The following PTPRN2 variants were observed in gnomAD, a reference collection of about 807,000 sequenced individuals.
The protein encoded by PTPRN2 is receptor-type tyrosine-protein phosphatase N2.
In PTPRN2, 74 loss-of-function variants were observed where a neutral mutation model predicts 118.8. That is an observed-to-expected ratio of 0.62 (90% confidence interval 0.52 to 0.76). The LOEUF is 0.76. PTPRN2 is among the 30% of genes least tolerant of loss of function. The pLI is 0.00. For synonymous variants in PTPRN2, 641 were observed against 608.0 expected (o/e 1.05, Z -0.80); for missense variants, 1,481 against 1,394.4 (o/e 1.06, Z -0.99).
At chr7:157,860,246 G>C (rs1472622473) in intron 12 of PTPRN2, among the ~76,000 whole-genome samples, 1 of 152,230 alleles carries the variant, frequency 6.6e-6, no homozygotes, top group African/African-American at 2.4e-5. Context: ...CTGGATTTCA[G>C]AGGTCACTGC....
chr7:157,579,229 A>G (rs1220457337), intron 17 of PTPRN2, among the ~76,000 whole-genome samples: 1 of 152,230 alleles, frequency 6.6e-6, no homozygotes, highest in African/African-American at 2.4e-5. Flanking sequence ...TCCTCAAGGC[A>G]CCTCACTGTG....
chr7:157,568,248 C>T (rs951508419), intron 21 of PTPRN2, among the ~76,000 whole-genome samples: 7 of 152,216 alleles, frequency 4.6e-5, no homozygotes, highest in Admixed American at 2.0e-4. Context: ...CCCACGCCGT[C>T]TGCGCATGCT....
At chr7:157,995,844 C>T (rs924425032) in intron 11 of PTPRN2, among the ~76,000 whole-genome samples, 4 of 152,226 alleles carry the variant, frequency 2.6e-5, no homozygotes, top group Non-Finnish European at 4.4e-5. Flanking sequence ...GAAATGCACA[C>T]TGGAACGATA....
At chr7:157,906,007 G>A (rs1438938673) in intron 11 of PTPRN2, among the ~76,000 whole-genome samples, 2 of 152,156 alleles carry the variant, frequency 1.3e-5, no homozygotes, top group Non-Finnish European at 2.9e-5. Flanking sequence ...TTTCCACCCA[G>A]GGCCCCCGTG....
At chr7:158,282,938 T>C (rs1256031752) in intron 3 of PTPRN2, among the ~76,000 whole-genome samples, 1 of 144,954 alleles carries the variant, frequency 6.9e-6, no homozygotes, top group African/African-American at 2.7e-5. Context: ...TAGACGGTGG[T>C]CCCTCCTCGT....
chr7:158,540,030 C>T (rs964012839), intron 1 of PTPRN2, among the ~76,000 whole-genome samples: 7 of 152,230 alleles, frequency 4.6e-5, no homozygotes, highest in Admixed American at 3.3e-4. Flanking sequence ...TGGGGACATA[C>T]GGTGAGCCTG....
chr7:158,169,699 T>G lies in PTPRN2; in HGVS notation c.550-2408A>C, dbSNP rs865987183. 5.9e-5 allele frequency among the ~76,000 whole-genome samples: 9 copies of G among 152,096 alleles called. No homozygotes were observed. The South Asian group carries it at 8.3e-4, about 14-fold the overall frequency. On this transcript the variant is annotated intron_variant, in intron 5 of 22. Transcript: ENST00000389418. ...AATCGGACATTATCTCTAAGATTTT[T>G]TTTTTTCTTTTGAGACGGAGTCTCT...
At chr7:158,524,340 GTC>G in intron 1 of PTPRN2, among the ~76,000 whole-genome samples, 1 of 84,610 alleles carries the variant, frequency 1.2e-5, no homozygotes, top group Non-Finnish European at 2.6e-5. Flanking sequence ...CTGGAGTGGA[GTC>G]GTCTACCCTG....
In PTPRN2 at chr7:157,560,070, C is replaced by T. The variant is rs888624890; in HGVS notation, c.2902+8832G>A. Among the ~76,000 whole-genome samples, 44 of 152,286 alleles carry T rather than the reference C, an allele frequency of 2.9e-4. No homozygotes were observed. Among genetic ancestry groups the T allele is most frequent in the South Asian group, 1.0e-3 (5 of 4,828 alleles). On this transcript the variant is annotated intron_variant, in intron 21 of 22. Coordinates refer to ENST00000389418, the MANE Select transcript of PTPRN2 (RefSeq NM_002847.5). This position sits in a 1 kb window ranked among gnomAD's most constrained non-coding sequence, Gnocchi z 6.7. The stretch of plus-strand genomic sequence containing the variant: ...AGCCCTCGGCCAGGTGGGACCTGAA[C>T]GACATTTTGCGGCATCCAATGGGCC...
At chr7:158,271,603 GT>G (rs1364380042) in intron 3 of PTPRN2, among the ~76,000 whole-genome samples, 1 of 152,190 alleles carries the variant, frequency 6.6e-6, no homozygotes, top group Non-Finnish European at 1.5e-5. Context: ...TTTAATAAAC[GT>G]TAATAACTCA....
At chr7:157,758,405 C>T (rs137925203) in intron 12 of PTPRN2, among the ~76,000 whole-genome samples, 3 of 152,278 alleles carry the variant, frequency 2.0e-5, no homozygotes, top group Admixed American at 6.5e-5. Flanking sequence ...GGCTCAGAGG[C>T]GAGGTAGGTG....
At chr7:158,267,865 G>A (rs68060632) in intron 3 of PTPRN2, among the ~76,000 whole-genome samples, 18,157 of 152,110 alleles carry the variant, frequency 0.12, 1,291 homozygotes, top group East Asian at 0.25. Context: ...CTGTGACCAC[G>A]GACTTAGGAA....
At chr7:157,714,600 C>T (rs149212689) in intron 12 of PTPRN2, among the ~76,000 whole-genome samples, 6 of 152,308 alleles carry the variant, frequency 3.9e-5, no homozygotes, top group African/African-American at 1.2e-4. Context: ...TATTCCAAAC[C>T]CTCCAGAAAT....
intron 2 of PTPRN2, among the ~76,000 whole-genome samples, chr7:158,467,585 T>A (rs1348822786): frequency 6.6e-6 from 1 of 152,182 alleles, no homozygotes; most frequent in Admixed American, 6.5e-5. Context: ...TCAGATCTTG[T>A]GTTTGGGTCT....
intron 2 of PTPRN2, among the ~76,000 whole-genome samples, chr7:158,412,122 G>A (rs1477932871): frequency 7.1e-6 from 1 of 140,140 alleles, no homozygotes; most frequent in Non-Finnish European, 1.6e-5. Flanking sequence ...TCAACACCAG[G>A]GCCCATCTCA....
At chr7:158,441,038 A>AGTAGTGGTAGTAGTGATGGTG (rs1817032775) in intron 2 of PTPRN2, among the ~76,000 whole-genome samples, 1 of 119,476 alleles carries the variant, frequency 8.4e-6, no homozygotes, top group Non-Finnish European at 1.7e-5. Flanking sequence ...TGACAGTGGT[A>AGTAGTGGTAGTAGTGATGGTG]GTAGTGATGG....
chr7:158,169,702 T>A (rs1253593094), intron 5 of PTPRN2, among the ~76,000 whole-genome samples: 7 of 151,848 alleles, frequency 4.6e-5, no homozygotes, highest in Non-Finnish European at 1.0e-4. Context: ...AGATTTTTTT[T>A]TTTCTTTTGA....
intron 2 of PTPRN2, among the ~76,000 whole-genome samples, chr7:158,374,040 G>A (rs866361149): frequency 4.6e-5 from 7 of 152,228 alleles, no homozygotes; most frequent in African/African-American, 7.2e-5. Context: ...GTGGCAACAC[G>A]ACGCCCACGC....
chr7:157,564,896 A>G (rs1799406724), intron 21 of PTPRN2, among the ~76,000 whole-genome samples: 1 of 152,254 alleles, frequency 6.6e-6, no homozygotes, highest in Non-Finnish European at 1.5e-5. Context: ...AAAGCCGGAA[A>G]CAACGGCACT....
Sources: allele counts gnomAD v4.1 joint callset (sites outside exome capture counted in the v4.1 genomes callset), GRCh38; gene constraint gnomAD v4.1.1; non-coding constraint Gnocchi (gnomAD v3.1); transcripts MANE v1.5; gene names NCBI Gene and HGNC (gene_info 2026-07-23, HGNC 2026-07-21).